ZP3: variants seen among roughly 807,000 people sequenced by gnomAD.
ZP3 encodes zona pellucida glycoprotein 3.
In ZP3, 21 loss-of-function variants were observed where a neutral mutation model predicts 35.6. That is an observed-to-expected ratio of 0.59 (90% CI 0.42 to 0.85). ZP3 has a LOEUF of 0.85. ZP3 is among the 40% of genes least tolerant of loss of function. The pLI is 0.00. For missense variants in ZP3, 437 were observed against 536.5 expected (o/e 0.81, Z 1.83); for synonymous variants, 207 against 214.5 (o/e 0.96, Z 0.31).
intron 1 of ZP3, among the ~76,000 whole-genome samples, chr7:76,403,853 G>A (rs917426139): frequency 2.0e-5 from 3 of 150,570 alleles, no homozygotes; most frequent in African/African-American, 4.9e-5. Flanking sequence ...GTAGGGACGC[G>A]GGTTTCACCA....
At position 76,433,541 on chromosome 7, in the gene ZP3, C is replaced by A. The variant is rs1290732491; in HGVS notation, c.607C>A (p.His203Asn). 2 of 1,614,030 alleles carry A rather than the reference C, an allele frequency of 1.2e-6. No individual in the cohort carries two copies. The highest frequency in any genetic ancestry group is 2.7e-5 in the African/African-American group (2 of 74,934). ...TGCAGCCCACCTCCAGGCAGAAATC[C>A]ACACTGGCAGCCACGTGCCACTGCG... ...GDAAHLQAEI[H>N]TGSHVPLRLF... Residue 203 changes from histidine to asparagine, a missense_variant, in exon 4 of 8, where the codon CAC becomes AAC. His to Asn is a moderately conservative substitution (Grantham distance 68). Coordinates refer to ENST00000394857, the MANE Select transcript of ZP3 (RefSeq NM_001110354.2).
intron 1 of ZP3, among the ~76,000 whole-genome samples, chr7:76,407,974 C>T (rs372269114): frequency 1.3e-5 from 2 of 152,010 alleles, no homozygotes; most frequent in East Asian, 1.9e-4. Context: ...AGGAGAGATG[C>T]GAAGGATATG....
At chr7:76,437,535 G>C (rs1292206904) in intron 5 of ZP3, among the ~76,000 whole-genome samples, 3 of 148,024 alleles carry the variant, frequency 2.0e-5, no homozygotes, top group African/African-American at 5.0e-5. Flanking sequence ...GCCCAGGCTA[G>C]AGTGCAATGG....
At chr7:76,434,703 T>C (rs1805938955) in intron 5 of ZP3, among the ~76,000 whole-genome samples, 1 of 147,096 alleles carries the variant, frequency 6.8e-6, no homozygotes, top group African/African-American at 2.5e-5. Context: ...AGAAAACCAG[T>C]GTGAACTTCG....
upstream of ZP3, among the ~76,000 whole-genome samples, chr7:76,421,013 G>A (rs1805491678): frequency 6.6e-6 from 1 of 150,646 alleles, no homozygotes; most frequent in African/African-American, 2.5e-5. Flanking sequence ...TCAGCTCACT[G>A]CAACCTCCAC....
At chr7:76,423,945 A>G (rs1344741974), upstream of ZP3, among the ~76,000 whole-genome samples, 1 of 151,676 alleles carries the variant, frequency 6.6e-6, no homozygotes, top group Non-Finnish European at 1.5e-5. Context: ...CGGGGGATTC[A>G]CCCAGGAATG....
At chr7:76,400,978 G>A in intron 1 of ZP3, 13 of 1,551,228 alleles carry the variant, frequency 8.4e-6, no homozygotes, top group Non-Finnish European at 1.1e-5. Context: ...GGACAGGTGA[G>A]GGTGAGGAAG....
chr7:76,400,992 G>A (rs1428446933), intron 1 of ZP3: 7 of 1,550,880 alleles, frequency 4.5e-6, no homozygotes, highest in African/African-American at 2.7e-5. Flanking sequence ...GAGGAAGGGC[G>A]GGGTGGGGCA....
upstream of ZP3, among the ~76,000 whole-genome samples, chr7:76,424,019 C>A (rs1274122760): frequency 6.6e-6 from 1 of 152,070 alleles, no homozygotes. Context: ...CTGACCTACC[C>A]CCCGGCCTCC....
At chr7:76,397,676 G>T (rs1395854620) in exon 1 of ZP3, 6 of 1,613,242 alleles carry the variant, frequency 3.7e-6, no homozygotes, top group Non-Finnish European at 5.1e-6. Flanking sequence ...GGTGGTGGCG[G>T]CCATGGCCGC....
chr7:76,437,487 T>G (rs200797292), intron 5 of ZP3, among the ~76,000 whole-genome samples: 1,841 of 138,674 alleles, frequency 0.013, no homozygotes, highest in East Asian at 0.075. Context: ...TTTTTTTTTT[T>G]GTTTTTTTTT....
intron 2 of ZP3, 130 bp from the exon 3 acceptor site, chr7:76,432,797 C>T (rs950785781): frequency 1.3e-5 from 9 of 703,778 alleles, no homozygotes; most frequent in Non-Finnish European, 1.9e-5. Context: ...TCAGCCATCT[C>T]GCACCAGCTA....
chr7:76,425,216 G>A lies in ZP3; in HGVS notation c.252G>A (p.Met84Ile). Residue 84 changes from methionine to isoleucine, a missense_variant, in exon 1 of 8, where the codon ATG (methionine) becomes ATA (isoleucine). Met to Ile is a conservative substitution (Grantham distance 10). This residue lies in a region of ZP3 where 352 missense variants were observed against 308.4 expected (regional missense o/e 1.14). Coordinates refer to ENST00000394857, the MANE Select transcript of ZP3 (RefSeq NM_001110354.2). ...GPEACEPLVSMDTEDVVRFEV... is the reference protein window; with the variant it reads ...GPEACEPLVSIDTEDVVRFEV... ...AGGCCTGTGAGCCTCTGGTCTCCAT[G>A]GACACAGAAGATGTGGTCAGGTTTG... 2 of 1,613,866 alleles carry A rather than the reference G, an allele frequency of 1.2e-6. No homozygotes were observed. Among genetic ancestry groups the A allele is most frequent in the Non-Finnish European group, 1.7e-6 (2 of 1,180,002 alleles).
Position 76,428,165 on chromosome 7 carries a change from A to T in ZP3, c.313-1350A>T, listed in dbSNP as rs79852504. Among the ~76,000 whole-genome samples, 150 of 72,316 alleles carry T rather than the reference A, an allele frequency of 2.1e-3. 3 individuals carry two copies. The highest frequency in any genetic ancestry group is 0.013 in the African/African-American group (98 of 7,370). The allele number at this position is 72,316 out of a possible 152,430, so 47.4% of individuals were successfully genotyped here. On this transcript the variant is annotated intron_variant, in intron 1 of 7. Transcript: ENST00000394857. ...ACATGGCGAAACCCTGTCTCTATTT[A>T]AAAAAAAAAAAAAAAGGCACGGTGG...
chr7:76,423,071 G>GAAAGAAAC (rs1805561216), upstream of ZP3, among the ~76,000 whole-genome samples: 2 of 143,128 alleles, frequency 1.4e-5, no homozygotes, highest in African/African-American at 5.4e-5. Flanking sequence ...AAGAAAGAAA[G>GAAAGAAAC]AAAGAAAGAA....
At chr7:76,404,374 C>T in intron 1 of ZP3, 3 of 1,613,816 alleles carry the variant, frequency 1.9e-6, no homozygotes, top group Non-Finnish European at 2.5e-6. Context: ...TCCCATCTCC[C>T]AACCTCCACC....
intron 1 of ZP3, chr7:76,397,983 G>T (rs1804696773): frequency 1.3e-6 from 1 of 794,304 alleles, no homozygotes; most frequent in Non-Finnish European, 1.9e-6. Flanking sequence ...CCAGACTGGG[G>T]GTAGCTTGTG....
chr7:76,417,720 T>A (rs2115857635), intron 1 of ZP3, among the ~76,000 whole-genome samples: 1 of 150,800 alleles, frequency 6.6e-6, no homozygotes, highest in South Asian at 2.1e-4. Context: ...CAAGTGATCC[T>A]CCCACCTCAG....
chr7:76,417,936 CTTTCTTTT>C (rs1417273883), intron 1 of ZP3, among the ~76,000 whole-genome samples: 2 of 137,712 alleles, frequency 1.5e-5, no homozygotes, highest in African/African-American at 5.7e-5. Flanking sequence ...TTCTTTCTTT[CTTTCTTTT>C]TTTTTTTTTT....
Sources: allele counts gnomAD v4.1 joint callset (sites outside exome capture counted in the v4.1 genomes callset), GRCh38; gene constraint gnomAD v4.1.1; regional missense constraint gnomAD v4.1.1; transcripts MANE v1.5; gene names NCBI Gene and HGNC (gene_info 2026-07-23, HGNC 2026-07-21).